The following ECE1 variants were observed in gnomAD, a reference collection of about 807,000 sequenced individuals.
ECE1 encodes the protein endothelin-converting enzyme 1.
A neutral mutation model predicts 98.6 loss-of-function variants in ECE1; 35 were observed. The ratio of observed to expected loss-of-function variants is 0.35; its 90% CI spans 0.27 to 0.47. ECE1 has a LOEUF of 0.47. ECE1 is among the 20% of genes least tolerant of loss of function. The pLI is 1.00. For missense variants in ECE1, 814 were observed against 1,025.3 expected (o/e 0.79, Z 2.81); for synonymous variants, 394 against 407.1 (o/e 0.97, Z 0.39).
At chr1:21,272,436 C>T (rs573494945) in intron 4 of ECE1, among the ~76,000 whole-genome samples, 6 of 152,168 alleles carry the variant, frequency 3.9e-5, no homozygotes, top group Admixed American at 2.6e-4. Context: ...GGACTACAGG[C>T]GCACGCCACC....
chr1:21,282,122 T>C (rs2098255261), intron 2 of ECE1, among the ~76,000 whole-genome samples: 1 of 151,212 alleles, frequency 6.6e-6, no homozygotes. Context: ...CCCCATCTCT[T>C]AAAAAAAATT....
intron 3 of ECE1, 149 bp from the exon 4 acceptor site, chr1:21,273,060 A>G: frequency 7.4e-6 from 6 of 809,562 alleles, no homozygotes; most frequent in Non-Finnish European, 1.2e-5. Context: ...AGACCCCTAC[A>G]GAGAAATGAT....
chr1:21,298,952 A>T (rs1638428953), intron 1 of ECE1: 1 of 452,674 alleles, frequency 2.2e-6, no homozygotes, highest in Non-Finnish European at 4.4e-6. Flanking sequence ...GGCTACCCAC[A>T]GATGCCCCTG....
intron 3 of ECE1, among the ~76,000 whole-genome samples, chr1:21,273,682 G>A (rs1000518368): frequency 3.3e-5 from 5 of 152,176 alleles, no homozygotes; most frequent in Non-Finnish European, 7.3e-5. Flanking sequence ...CAAAGGCTAC[G>A]CCAGGTGCCG....
intron 2 of ECE1, among the ~76,000 whole-genome samples, chr1:21,281,176 C>G (rs958330476): frequency 1.3e-5 from 2 of 151,468 alleles, no homozygotes; most frequent in Non-Finnish European, 2.9e-5. Flanking sequence ...GGCGACAGAG[C>G]AAGACTCCGT....
chr1:21,339,368 G>A (rs1017948139), intron 1 of ECE1, among the ~76,000 whole-genome samples: 5 of 152,196 alleles, frequency 3.3e-5, no homozygotes, highest in African/African-American at 1.2e-4. Context: ...GTCCCAGTGG[G>A]CTTTCCCAGG....
intron 8 of ECE1, among the ~76,000 whole-genome samples, chr1:21,248,233 C>A (rs1201903615): frequency 6.6e-6 from 1 of 151,362 alleles, no homozygotes; most frequent in East Asian, 1.9e-4. Flanking sequence ...TGCAGTGGTG[C>A]CATCTTGGCT....
intron 1 of ECE1, among the ~76,000 whole-genome samples, chr1:21,339,949 G>A (rs187219705): frequency 4.2e-4 from 64 of 152,306 alleles, no homozygotes; most frequent in Middle Eastern, 3.4e-3. Context: ...GTGGGGTTCC[G>A]CCAGCACTGG....
rs1023309311 is a variant in ECE1, at chr1:21,238,154, C to T, written c.1369G>A (p.Ala457Thr). ...CTTACTATGCTCTTGCTGTCCTCGGCGAAGGTTGCTTTGACAAACATGGGG... is the reference window on the plus strand; with the variant it reads ...CTTACTATGCTCTTGCTGTCCTCGGTGAAGGTTGCTTTGACAAACATGGGG... ...LGPMFVKATF[A>T]EDSKSIATEI... Residue 457 changes from alanine (A) to threonine (T), a missense_variant, in exon 11 of 19, where the codon GCC becomes ACC. By Grantham distance (58) the Ala-to-Thr change is moderately conservative. Transcript: ENST00000374893. 6.2e-6 allele frequency: 10 copies of T among 1,614,096 alleles called. No individual in the cohort carries two copies. The highest frequency in any genetic ancestry group is 4.4e-5 in the South Asian group (4 of 91,080).
At chr1:21,236,406 T>C (rs2098188129) in intron 12 of ECE1, among the ~76,000 whole-genome samples, 1 of 152,258 alleles carries the variant, frequency 6.6e-6, no homozygotes. Flanking sequence ...TGCCAGCGCT[T>C]TGGCAGGCCA....
chr1:21,298,350 G>T, intron 1 of ECE1: 1 of 202,904 alleles, frequency 4.9e-6, no homozygotes. Flanking sequence ...CTTCCTCGGT[G>T]CTCCGCGGCA....
At position 21,258,554 on chromosome 1, in the gene ECE1, G is replaced by A; in HGVS notation, c.762+139C>T. On this transcript the variant is annotated intron_variant, in intron 6 of 18. Transcript: ENST00000374893. The surrounding 1 kb of genome is among the most constrained non-coding windows in gnomAD (Gnocchi z 4.2). ...AAAGATCTCACCAGTGGGGCCTCTG[G>A]AAATAACCCAGGCTCAGAAACTAGA... 7.2e-7 allele frequency: 1 copy of A among 1,379,728 alleles called. No homozygotes were observed. Among genetic ancestry groups the A allele is most frequent in the South Asian group, 1.2e-5 (1 of 80,170 alleles). The allele number at this position is 1,379,728 out of a possible 1,614,324, so 85.5% of individuals were successfully genotyped here.
intron 8 of ECE1, among the ~76,000 whole-genome samples, chr1:21,253,926 G>T (rs567643290): frequency 4.0e-5 from 6 of 151,810 alleles, no homozygotes; most frequent in Admixed American, 3.9e-4. Context: ...AAAATTAGCC[G>T]GGCGTGGTGG....
chr1:21,332,928 A>G (rs969423281), intron 1 of ECE1, among the ~76,000 whole-genome samples: 2 of 152,046 alleles, frequency 1.3e-5, no homozygotes, highest in African/African-American at 4.8e-5. Context: ...ACACTGTTAC[A>G]ATATTAGTGC....
At position 21,239,957 on chromosome 1, in the gene ECE1, G is replaced by A. The variant is rs566305745; in HGVS notation, c.1279-1713C>T. Reference sequence around the variant, plus strand: ...AGGCCGAGGCAAGTGGATCACTTGAGGTCAGGAGTTCAAGACCAGCCTGGC... The same window carrying A: ...AGGCCGAGGCAAGTGGATCACTTGAAGTCAGGAGTTCAAGACCAGCCTGGC... On this transcript the variant is annotated intron_variant, in intron 10 of 18. Coordinates refer to ENST00000374893, the MANE Select transcript of ECE1 (RefSeq NM_001397.3). Among the ~76,000 whole-genome samples the A allele has an allele frequency of 3.0e-4, 45 of 152,038 alleles. 1 individual carries two copies. The South Asian group carries it at 5.2e-3, about 18-fold the overall frequency.
intron 1 of ECE1, among the ~76,000 whole-genome samples, chr1:21,334,796 A>G (rs1639274998): frequency 6.6e-6 from 1 of 152,120 alleles, no homozygotes; most frequent in African/African-American, 2.4e-5. Flanking sequence ...CCATCCCTGA[A>G]GTAGCAGCCA....
At chr1:21,230,979 C>A (rs1204527530) in intron 14 of ECE1, among the ~76,000 whole-genome samples, 2 of 151,894 alleles carry the variant, frequency 1.3e-5, no homozygotes, top group African/African-American at 4.8e-5. Context: ...CAGGCATGTG[C>A]CACCATGCCT....
chr1:21,291,291 G>A (rs755601094), upstream of ECE1, among the ~76,000 whole-genome samples: 3 of 152,190 alleles, frequency 2.0e-5, no homozygotes, highest in Non-Finnish European at 2.9e-5. Flanking sequence ...AGGACTCTCC[G>A]CTTCTAGCAA....
At chr1:21,264,640 C>G (rs192966283) in intron 4 of ECE1, among the ~76,000 whole-genome samples, 1 of 152,288 alleles carries the variant, frequency 6.6e-6, no homozygotes, top group East Asian at 1.9e-4. Context: ...GGCCAGAAGG[C>G]TCTATATCAC....
Sources: gnomAD v4.1 joint callset for allele counts (sites outside exome capture counted in the v4.1 genomes callset) on GRCh38, gnomAD v4.1.1 for gene constraint, Gnocchi (gnomAD v3.1) non-coding constraint, MANE v1.5 for transcripts, NCBI Gene and HGNC (gene_info 2026-07-23, HGNC 2026-07-21) for gene names.